KCNQ3: variants seen among roughly 807,000 people sequenced by gnomAD.
The protein encoded by KCNQ3 is potassium voltage-gated channel subfamily KQT member 3.
A neutral mutation model predicts 92.5 loss-of-function variants in KCNQ3; 30 were observed. The observed-to-expected ratio is 0.32, with a 90% CI of 0.24 to 0.44. The LOEUF (loss-of-function observed/expected upper bound fraction) is 0.44. Ranked by LOEUF, KCNQ3 falls within the 20% of genes least tolerant of loss-of-function variation. KCNQ3 has a pLI of 1.00. For missense variants in KCNQ3, 913 were observed against 1,140.3 expected (o/e 0.80, Z 2.87); for synonymous variants, 450 against 468.8 (o/e 0.96, Z 0.52).
At chr8:132,361,653 C>T (rs1819176264) in intron 1 of KCNQ3, among the ~76,000 whole-genome samples, 1 of 151,996 alleles carries the variant, frequency 6.6e-6, no homozygotes, top group African/African-American at 2.4e-5. Context: ...ACATTAATAG[C>T]AACCAAAGAA....
intron 8 of KCNQ3, 68 bp from the exon 9 acceptor site, chr8:132,163,562 G>T (rs1826055457): frequency 1.6e-6 from 2 of 1,284,714 alleles, no homozygotes; most frequent in Non-Finnish European, 2.3e-6. Context: ...TTCCTCGAAA[G>T]ATTGCTGCAA....
At chr8:132,236,155 T>C (rs186193911) in intron 1 of KCNQ3, among the ~76,000 whole-genome samples, 1 of 152,310 alleles carries the variant, frequency 6.6e-6, no homozygotes, top group Admixed American at 6.5e-5. Flanking sequence ...TCTATTCTAC[T>C]CTTGTTAACT....
chr8:132,233,727 C>T (rs1352627535), intron 1 of KCNQ3, among the ~76,000 whole-genome samples: 1 of 152,150 alleles, frequency 6.6e-6, no homozygotes, highest in Non-Finnish European at 1.5e-5. Context: ...ACGGGTCCCT[C>T]ATTTCACTTT....
intron 12 of KCNQ3, among the ~76,000 whole-genome samples, chr8:132,137,062 G>A (rs1586759596): frequency 6.6e-6 from 1 of 151,186 alleles, no homozygotes; most frequent in Non-Finnish European, 1.5e-5. Flanking sequence ...GTAGAGAGGG[G>A]GTTTCACCAT....
At chr8:132,308,354 C>G (rs985111079) in intron 1 of KCNQ3, among the ~76,000 whole-genome samples, 4 of 152,060 alleles carry the variant, frequency 2.6e-5, no homozygotes, top group African/African-American at 7.2e-5. Context: ...TCTACAGTGA[C>G]AAGTACCATT....
chr8:132,364,682 CGGACGGACGGACGGATGGAT>C (rs899711432), intron 1 of KCNQ3, among the ~76,000 whole-genome samples: 19 of 113,708 alleles, frequency 1.7e-4, no homozygotes, highest in South Asian at 1.6e-3. Flanking sequence ...GACGGACGGA[CGGACGGACGGACGGATGGAT>C]GGATGGATGG....
chr8:132,465,149 A>G (rs1254922426), intron 1 of KCNQ3, among the ~76,000 whole-genome samples: 1 of 152,248 alleles, frequency 6.6e-6, no homozygotes, highest in Non-Finnish European at 1.5e-5. Context: ...CGGAAGTCAC[A>G]GCACCTAGTT....
chr8:132,276,138 G>A (rs1199620292), intron 1 of KCNQ3, among the ~76,000 whole-genome samples: 1 of 152,190 alleles, frequency 6.6e-6, no homozygotes, highest in Non-Finnish European at 1.5e-5. Flanking sequence ...CGGCAAAGGA[G>A]CCAAATCGTA....
chr8:132,341,048 G>A (rs964764667), intron 1 of KCNQ3, among the ~76,000 whole-genome samples: 2 of 152,230 alleles, frequency 1.3e-5, no homozygotes, highest in Non-Finnish European at 2.9e-5. Flanking sequence ...GTCACATGTG[G>A]TTGGTGGCTA....
chr8:132,278,511 A>G (rs1816413382), intron 1 of KCNQ3, among the ~76,000 whole-genome samples: 1 of 152,194 alleles, frequency 6.6e-6, no homozygotes, highest in South Asian at 2.1e-4. Flanking sequence ...TGTAAGTGGA[A>G]AGGGACCCTT....
chr8:132,320,488 G>C (rs972648956), intron 1 of KCNQ3, among the ~76,000 whole-genome samples: 3 of 152,014 alleles, frequency 2.0e-5, no homozygotes, highest in Non-Finnish European at 1.5e-5. Context: ...CAAAACCCAG[G>C]ACAGCTAGCT....
At chr8:132,335,704 G>A (rs1447360928) in intron 1 of KCNQ3, among the ~76,000 whole-genome samples, 1 of 152,198 alleles carries the variant, frequency 6.6e-6, no homozygotes, top group African/African-American at 2.4e-5. Context: ...AGAGTTTTGT[G>A]AAACGATCCA....
Position 132,440,722 on chromosome 8 carries a change from G to T in KCNQ3, c.386+39425C>A, listed in dbSNP as rs565429938. ...CCCCTTACCAACTGTGCACACACAG[G>T]AGGGGGGTTACTAACCCCTTGAAGT... is the stretch of plus-strand genomic sequence containing the variant. On this transcript the variant is annotated intron_variant, in intron 1 of 14. Transcript: ENST00000388996. Among the ~76,000 whole-genome samples, 4 of 152,260 alleles carry T rather than the reference G, an allele frequency of 2.6e-5. No homozygotes were observed. In the East Asian group the frequency reaches 5.8e-4, roughly 22 times the overall value.
intron 12 of KCNQ3, among the ~76,000 whole-genome samples, chr8:132,135,698 G>A (rs566135975): frequency 1.4e-4 from 22 of 152,022 alleles, no homozygotes; most frequent in Non-Finnish European, 2.2e-4. Flanking sequence ...CTCGTCTCTC[G>A]GAGAGCCATA....
intron 1 of KCNQ3, among the ~76,000 whole-genome samples, chr8:132,303,663 TG>T (rs1435296291): frequency 2.2e-5 from 1 of 45,514 alleles, no homozygotes; most frequent in Non-Finnish European, 3.4e-5. Flanking sequence ...TTATGGTGTG[TG>T]TGTATATATA....
At chr8:132,317,891 G>T (rs16904656) in intron 1 of KCNQ3, among the ~76,000 whole-genome samples, 3 of 152,010 alleles carry the variant, frequency 2.0e-5, no homozygotes, top group Admixed American at 1.3e-4. Context: ...AAATGGAGAC[G>T]GGCCTGAGGT....
intron 1 of KCNQ3, among the ~76,000 whole-genome samples, chr8:132,288,296 C>G (rs1436199747): frequency 6.6e-6 from 1 of 152,218 alleles, no homozygotes; most frequent in Non-Finnish European, 1.5e-5. Flanking sequence ...TCACCTCATT[C>G]TCATCAGCAT....
chr8:132,245,042 C>T (rs182483631), intron 1 of KCNQ3, among the ~76,000 whole-genome samples: 42 of 151,694 alleles, frequency 2.8e-4, no homozygotes, highest in African/African-American at 8.2e-4. Context: ...CCACAATATA[C>T]ATACCTTTTT....
Position 132,127,723 on chromosome 8 carries a change from A to G in KCNQ3, c.*1539T>C, listed in dbSNP as rs1220262673. ...ATACTGTGGCATGGTCATTTAGCTA[A>G]TTCAGTCTAAGCCTAACAGAAACCT... On this transcript the variant is annotated 3_prime_UTR_variant, in exon 15 of 15. Transcript: ENST00000388996. The G allele has an allele frequency of 1.3e-5, 2 of 152,212 alleles. No homozygotes were observed. The highest frequency in any genetic ancestry group is 2.9e-5 in the Non-Finnish European group (2 of 68,034). The allele number at this position is 152,212 out of a possible 1,614,324, so 9.4% of individuals were successfully genotyped here.
Sources: allele counts gnomAD v4.1 joint callset (sites outside exome capture counted in the v4.1 genomes callset), GRCh38; gene constraint gnomAD v4.1.1; transcripts MANE v1.5; gene names NCBI Gene and HGNC (gene_info 2026-07-23, HGNC 2026-07-21).